Variants in RSPO3 observed in about 807,000 individuals in gnomAD.
RSPO3 encodes R-spondin-3.
A neutral mutation model predicts 36.5 loss-of-function variants in RSPO3; 17 were observed. The ratio of observed to expected loss-of-function variants is 0.47; its 90% CI spans 0.32 to 0.70. RSPO3 has a LOEUF of 0.70. Ranked by LOEUF, RSPO3 falls within the 30% of genes least tolerant of loss-of-function variation. RSPO3 has a pLI of 0.04. For missense variants in RSPO3, 294 were observed against 322.5 expected, an observed-to-expected ratio of 0.91 and a Z score of 0.68; for synonymous variants, 108 against 107.0, an observed-to-expected ratio of 1.01 and a Z score of -0.06.
chr6:127,158,994 G>A (rs894381125), intron 4 of RSPO3, among the ~76,000 whole-genome samples: 1 of 152,096 alleles, frequency 6.6e-6, no homozygotes, highest in African/African-American at 2.4e-5. Flanking sequence ...CATGTGTATT[G>A]AAACATCATA....
At chr6:127,175,825 A>C (rs568371955) in intron 4 of RSPO3, among the ~76,000 whole-genome samples, 2 of 151,878 alleles carry the variant, frequency 1.3e-5, no homozygotes, top group East Asian at 3.9e-4. Context: ...TAAAGACTGG[A>C]TTATTTAAGA....
intron 4 of RSPO3, among the ~76,000 whole-genome samples, chr6:127,158,034 A>G (rs893462633): frequency 6.6e-6 from 1 of 150,836 alleles, no homozygotes; most frequent in Non-Finnish European, 1.5e-5. Flanking sequence ...TGTATAATAT[A>G]TAATAAAAAT....
chr6:127,154,516 T>C (rs898227005), intron 3 of RSPO3, among the ~76,000 whole-genome samples: 2 of 152,168 alleles, frequency 1.3e-5, no homozygotes, highest in African/African-American at 4.8e-5. Context: ...CAGCTGAAAT[T>C]GACCCAGAAT....
chr6:127,143,906 C>T (rs1009598479), intron 1 of RSPO3, among the ~76,000 whole-genome samples: 12 of 152,130 alleles, frequency 7.9e-5, no homozygotes, highest in Non-Finnish European at 1.8e-4. Flanking sequence ...GTTTTGGTTC[C>T]ATTTAAAATT....
chr6:127,187,790 T>A (rs1457625960), intron 4 of RSPO3, among the ~76,000 whole-genome samples: 1 of 152,074 alleles, frequency 6.6e-6, no homozygotes, highest in Non-Finnish European at 1.5e-5. Flanking sequence ...AATAAACCCA[T>A]ACAAAAGAAT....
chr6:127,195,878 A>C lies in RSPO3; in HGVS notation c.690A>C (p.Glu230Asp). The change falls in exon 5 of 5, where the codon GAA becomes GAC. Residue 230 changes from glutamate (E) to aspartate (D), a missense_variant. Coordinates refer to ENST00000356698, the MANE Select transcript of RSPO3 (RefSeq NM_032784.5). Reference protein sequence around the residue: ...RKKPNKGESKEAIPDSKSLES... With the variant: ...RKKPNKGESKDAIPDSKSLES... ...AACCTAATAAAGGAGAAAGTAAAGA[A>C]GCAATACCTGACAGCAAAAGTCTGG... is the stretch of plus-strand genomic sequence containing the variant. 1 of 1,610,048 alleles carries C rather than the reference A, an allele frequency of 6.2e-7. No individual in the cohort carries two copies. Among genetic ancestry groups the C allele is most frequent in the East Asian group, 2.2e-5 (1 of 44,846 alleles).
intron 4 of RSPO3, among the ~76,000 whole-genome samples, chr6:127,155,827 C>G (rs971197143): frequency 1.3e-5 from 2 of 151,740 alleles, no homozygotes; most frequent in East Asian, 3.9e-4. Flanking sequence ...TTCCTCACTG[C>G]CTGCAAACCA....
chr6:127,144,714 C>G (rs1471607040), intron 1 of RSPO3, among the ~76,000 whole-genome samples: 1 of 135,144 alleles, frequency 7.4e-6, no homozygotes, highest in Non-Finnish European at 1.5e-5. Flanking sequence ...TCTGCGCTCA[C>G]TTTAACCTCC....
chr6:127,130,775 T>C (rs114473916), intron 1 of RSPO3, among the ~76,000 whole-genome samples: 1 of 152,208 alleles, frequency 6.6e-6, no homozygotes, highest in African/African-American at 2.4e-5. Context: ...ACTGAGGACA[T>C]ACTGAGAAGC....
At chr6:127,189,810 G>A (rs139570824) in intron 4 of RSPO3, among the ~76,000 whole-genome samples, 4 of 152,218 alleles carry the variant, frequency 2.6e-5, no homozygotes, top group Admixed American at 2.0e-4. Context: ...AATAGAATTC[G>A]TGTGTAACCT....
rs1412820572 is a variant in RSPO3 at position 127,150,426 on chromosome 6, A to G, written c.290A>G (p.Lys97Arg). ...TATTTCTTTCTTTTTTCTCTTTCAG[A>G]ATGCAAAGCTGACTGTGATACCTGT... ...TRYPDINKCT[K>R]CKADCDTCFN... The change falls in exon 3 of 5, where the codon AAA becomes AGA. Residue 97 changes from lysine (K) to arginine (R), a missense_variant and splice_region_variant. Coordinates refer to ENST00000356698, the MANE Select transcript of RSPO3 (RefSeq NM_032784.5). 1 of 1,609,410 alleles carries G rather than the reference A, an allele frequency of 6.2e-7. No individual in the cohort carries two copies. The highest frequency in any genetic ancestry group is 8.5e-7 in the Non-Finnish European group (1 of 1,178,278).
At chr6:127,125,257 C>T (rs769843858) in intron 1 of RSPO3, among the ~76,000 whole-genome samples, 4 of 152,052 alleles carry the variant, frequency 2.6e-5, no homozygotes, top group Non-Finnish European at 4.4e-5. Context: ...TTCAAAACAC[C>T]GCCTTATTAA....
intron 4 of RSPO3, among the ~76,000 whole-genome samples, chr6:127,177,896 G>GT (rs1040412831): frequency 2.7e-4 from 40 of 147,104 alleles, no homozygotes; most frequent in Non-Finnish European, 3.2e-4. Context: ...AGTTCTCTTG[G>GT]TTTTTTTTTT....
At chr6:127,168,472 A>G (rs887111856) in intron 4 of RSPO3, among the ~76,000 whole-genome samples, 9 of 151,852 alleles carry the variant, frequency 5.9e-5, no homozygotes, top group Non-Finnish European at 2.9e-5. Flanking sequence ...TTGTAAATTT[A>G]TTTATGTTCT....
Position 127,197,703 on chromosome 6 carries a change from T to G in RSPO3, c.*1696T>G, listed in dbSNP as rs1775544132. On this transcript the variant is annotated 3_prime_UTR_variant, in exon 5 of 5. Transcript: ENST00000356698. ...CAGTTGTACAGTTCATGTAATCTAC[T>G]TGGCTTAATTGATTTTCCACTTCTC... The G allele has an allele frequency of 1.6e-6, 1 of 620,686 alleles. No individual in the cohort carries two copies. The highest frequency in any genetic ancestry group is 2.9e-5 in the South Asian group (1 of 34,064). The allele number at this position is 620,686 out of a possible 1,614,324, so 38.4% of individuals were successfully genotyped here. A position where few individuals can be genotyped will look rare whatever the true frequency, so the allele number is the denominator to read the frequency against.
intron 1 of RSPO3, chr6:127,119,740 G>C (rs2745336): frequency 0.037 from 5,797 of 155,812 alleles, 212 homozygotes; most frequent in Middle Eastern, 0.12. Flanking sequence ...CGCCTCGCGC[G>C]GGGAGACCTC....
At chr6:127,133,926 A>G (rs1205591803) in intron 1 of RSPO3, among the ~76,000 whole-genome samples, 1 of 152,218 alleles carries the variant, frequency 6.6e-6, no homozygotes, top group East Asian at 1.9e-4. Flanking sequence ...GAAAATATTA[A>G]TTCAGATTTT....
At chr6:127,140,573 T>C (rs896018659) in intron 1 of RSPO3, among the ~76,000 whole-genome samples, 6 of 152,228 alleles carry the variant, frequency 3.9e-5, no homozygotes, top group Admixed American at 1.3e-4. Flanking sequence ...CATATCTTCA[T>C]GGAATACAAG....
chr6:127,190,922 C>CT (rs1309649686), intron 4 of RSPO3, among the ~76,000 whole-genome samples: 1 of 152,098 alleles, frequency 6.6e-6, no homozygotes, highest in Non-Finnish European at 1.5e-5. Context: ...GAAAGCAACT[C>CT]TTTTTTTCAT....
Sources: allele counts gnomAD v4.1 joint callset (sites outside exome capture counted in the v4.1 genomes callset), GRCh38; gene constraint gnomAD v4.1.1; transcripts MANE v1.5; gene names NCBI Gene and HGNC (gene_info 2026-07-23, HGNC 2026-07-21).